The following CD1B variants were observed in gnomAD, a reference collection of about 807,000 sequenced individuals.
CD1B encodes CD1b molecule, also known as T-cell surface glycoprotein CD1b.
A neutral mutation model predicts 39.8 loss-of-function variants in CD1B; 43 were observed. The ratio of observed to expected loss-of-function variants is 1.08; its 90% CI spans 0.85 to 1.39. The LOEUF (loss-of-function observed/expected upper bound fraction) is 1.39, where lower values mean the gene tolerates loss of function less well. CD1B is among the 40% of genes most tolerant of loss of function. The pLI is 0.00. For synonymous variants in CD1B, 192 were observed against 152.5 expected (o/e 1.26, Z -1.91); for missense variants, 495 against 403.8 (o/e 1.23, Z -1.94).
the CD1B span, among the ~76,000 whole-genome samples, chr1:158,305,408 C>T: frequency 1.3e-5 from 2 of 152,082 alleles, no homozygotes; most frequent in Admixed American, 6.5e-5. Context: ...ATTAACAAAG[C>T]CTCCAAGAAA....
chr1:158,298,396 C>T, the CD1B span, among the ~76,000 whole-genome samples: 1 of 152,142 alleles, frequency 6.6e-6, no homozygotes. Flanking sequence ...CCAAATGGAC[C>T]TAATAAACAT....
chr1:158,297,150 T>G, the CD1B span, among the ~76,000 whole-genome samples: 1 of 151,978 alleles, frequency 6.6e-6, no homozygotes, highest in African/African-American at 2.4e-5. Flanking sequence ...TACACAATAA[T>G]AAGATTATCC....
At chr1:158,300,478 C>T in the CD1B span, among the ~76,000 whole-genome samples, 13 of 151,884 alleles carry the variant, frequency 8.6e-5, no homozygotes, top group African/African-American at 2.2e-4. Flanking sequence ...TAGAGAGTAC[C>T]GTAGATGTCT....
chr1:158,287,000 C>A, the CD1B span, among the ~76,000 whole-genome samples: 1 of 152,148 alleles, frequency 6.6e-6, no homozygotes, highest in Admixed American at 6.5e-5. Flanking sequence ...TGCTCTCCTC[C>A]TCCAGGCCCT....
At chr1:158,326,786 A>AATTATT (rs374291885), downstream of CD1B, among the ~76,000 whole-genome samples, 547 of 149,640 alleles carry the variant, frequency 3.7e-3, 3 homozygotes, top group African/African-American at 0.013. Flanking sequence ...GCACATATAA[A>AATTATT]ATTATTATTA....
chr1:158,316,409 C>G, the CD1B span, among the ~76,000 whole-genome samples: 4 of 151,780 alleles, frequency 2.6e-5, no homozygotes, highest in South Asian at 8.3e-4. Context: ...ATTTTATTCT[C>G]TTTAAAGCAA....
the CD1B span, among the ~76,000 whole-genome samples, chr1:158,311,104 G>T: frequency 6.6e-6 from 1 of 151,982 alleles, no homozygotes; most frequent in African/African-American, 2.4e-5. Flanking sequence ...GTCTTTAATG[G>T]GTATGTAGTA....
the CD1B span, among the ~76,000 whole-genome samples, chr1:158,303,639 G>A: frequency 6.6e-5 from 10 of 152,150 alleles, no homozygotes; most frequent in East Asian, 5.8e-4. Context: ...AGTCCAGACC[G>A]AGAGCTAAAT....
At chr1:158,305,927 G>A in the CD1B span, among the ~76,000 whole-genome samples, 1 of 152,132 alleles carries the variant, frequency 6.6e-6, no homozygotes, top group South Asian at 2.1e-4. Context: ...AGCTCCCGAA[G>A]GAAGCACTAA....
chr1:158,302,528 G>C, the CD1B span, among the ~76,000 whole-genome samples: 1 of 151,874 alleles, frequency 6.6e-6, no homozygotes, highest in African/African-American at 2.4e-5. Context: ...AAAATTGGTA[G>C]ACCACAGACT....
chr1:158,311,837 T>C, the CD1B span, among the ~76,000 whole-genome samples: 1 of 152,188 alleles, frequency 6.6e-6, no homozygotes, highest in African/African-American at 2.4e-5. Flanking sequence ...GGTTATATAT[T>C]CTGTTCCGCT....
downstream of CD1B, among the ~76,000 whole-genome samples, chr1:158,326,824 T>A (rs940847343): frequency 6.6e-6 from 1 of 151,284 alleles, no homozygotes; most frequent in Non-Finnish European, 1.5e-5. Context: ...GGAGACAGGG[T>A]CTTGCTCTGT....
chr1:158,328,786 A>G (rs1652460982), intron 5 of CD1B, 135 bp downstream of exon 5: 1 of 640,794 alleles, frequency 1.6e-6, no homozygotes, highest in Non-Finnish European at 2.7e-6. Context: ...CATAAAACGA[A>G]TGGGAGTTTG....
chr1:158,318,564 C>T, the CD1B span, among the ~76,000 whole-genome samples: 19 of 152,030 alleles, frequency 1.2e-4, no homozygotes, highest in Non-Finnish European at 2.5e-4. Context: ...TGTCTCTGCA[C>T]GTGAGATGGG....
At chr1:158,311,878 A>G in the CD1B span, among the ~76,000 whole-genome samples, 2 of 152,166 alleles carry the variant, frequency 1.3e-5, no homozygotes, top group African/African-American at 4.8e-5. Context: ...TACCAGTACC[A>G]TGCTGTTTTG....
At chr1:158,299,761 A>G in the CD1B span, among the ~76,000 whole-genome samples, 1 of 152,126 alleles carries the variant, frequency 6.6e-6, no homozygotes, top group South Asian at 2.1e-4. Context: ...TAGATTTTCT[A>G]GTTTATTTGC....
chr1:158,300,625 G>A, the CD1B span, among the ~76,000 whole-genome samples: 7 of 152,120 alleles, frequency 4.6e-5, no homozygotes, highest in South Asian at 2.1e-4. Context: ...AAGTCTCTTC[G>A]TAGGTCTGTA....
At chr1:158,318,488 C>G in the CD1B span, among the ~76,000 whole-genome samples, 1 of 152,014 alleles carries the variant, frequency 6.6e-6, no homozygotes, top group Non-Finnish European at 1.5e-5. Context: ...ATTGCAATCC[C>G]TGCCTTTTTT....
the CD1B span, chr1:158,293,463 A>T: frequency 1.1e-5 from 18 of 1,614,082 alleles, no homozygotes; most frequent in Non-Finnish European, 1.4e-5. Flanking sequence ...AGCTCATATC[A>T]GGACATCCTG....
Sources: gnomAD v4.1 joint callset for allele counts (sites outside exome capture counted in the v4.1 genomes callset) on GRCh38, gnomAD v4.1.1 for gene constraint, MANE v1.5 for transcripts, NCBI Gene and HGNC (gene_info 2026-07-23, HGNC 2026-07-21) for gene names.